RAD51AP2: variants seen among roughly 807,000 people sequenced by gnomAD.
The protein encoded by RAD51AP2 is RAD51 associated protein 2.
Under a neutral mutation model 85.5 loss-of-function variants are expected in RAD51AP2, and 67 were observed. That is an observed-to-expected ratio of 0.78 (90% confidence interval 0.64 to 0.96). RAD51AP2 has a LOEUF of 0.96. RAD51AP2 is among the 40% of genes least tolerant of loss of function. The pLI is 0.00. For missense variants in RAD51AP2, 1,307 were observed against 1,332.4 expected (o/e 0.98, Z 0.30); for synonymous variants, 474 against 446.5 (o/e 1.06, Z -0.78).
Position 17,516,911 on chromosome 2 carries a change from A to G in RAD51AP2, c.1505T>C (p.Val502Ala), listed in dbSNP as rs763885940. 1 of 1,592,144 alleles carries G rather than the reference A, an allele frequency of 6.3e-7. No individual in the cohort carries two copies. The highest frequency in any genetic ancestry group is 1.4e-5 in the African/African-American group (1 of 73,894). ...RYNTTQKVFHVNNPFESFIIE... is the reference protein window; with the variant it reads ...RYNTTQKVFHANNPFESFIIE... ...AATGAAACTTTCAAAAGGGTTGTTC[A>G]CATGAAAGACTTTTTGTGTAGTATT... The change falls in exon 1 of 3, where the codon GTG becomes GCG. Residue 502 changes from valine to alanine, a missense_variant. Val to Ala is a moderately conservative substitution (Grantham distance 64, BLOSUM62 0). Transcript: ENST00000399080.
At chr2:17,529,104 C>T in the RAD51AP2 span, among the ~76,000 whole-genome samples, 228 of 152,088 alleles carry the variant, frequency 1.5e-3, no homozygotes, top group Non-Finnish European at 2.4e-3. Flanking sequence ...CTTAAACACA[C>T]AGTCACTTTT....
chr2:17,523,086 AG>A (rs1662891314), upstream of RAD51AP2, among the ~76,000 whole-genome samples: 1 of 151,876 alleles, frequency 6.6e-6, no homozygotes, highest in African/African-American at 2.4e-5. Context: ...AGTTTTTCTG[AG>A]ACACAGCTTC....
the RAD51AP2 span, among the ~76,000 whole-genome samples, chr2:17,535,275 A>C: frequency 4.7e-3 from 722 of 152,282 alleles, 8 homozygotes; most frequent in Non-Finnish European, 8.0e-3. Context: ...ATTATTACCT[A>C]TTTGGTATAC....
chr2:17,520,068 A>C (rs1364217223), upstream of RAD51AP2, among the ~76,000 whole-genome samples: 1 of 152,168 alleles, frequency 6.6e-6, no homozygotes. Context: ...ATTATTTAAC[A>C]ACTCTACATT....
At chr2:17,528,631 C>T in the RAD51AP2 span, among the ~76,000 whole-genome samples, 23 of 151,956 alleles carry the variant, frequency 1.5e-4, no homozygotes, top group Admixed American at 1.3e-4. Context: ...TCACTTGAGG[C>T]CAGGAGTTCA....
At chr2:17,526,558 A>G in the RAD51AP2 span, among the ~76,000 whole-genome samples, 2 of 152,166 alleles carry the variant, frequency 1.3e-5, no homozygotes, top group Non-Finnish European at 2.9e-5. Context: ...GCCTCAGACC[A>G]TAATTATCCA....
intron 1 of RAD51AP2, among the ~76,000 whole-genome samples, chr2:17,514,664 G>A (rs1466379076): frequency 6.6e-6 from 1 of 152,084 alleles, no homozygotes. Context: ...CAGCTACTCT[G>A]GAGGCTAAGG....
the RAD51AP2 span, among the ~76,000 whole-genome samples, chr2:17,525,826 T>C: frequency 6.6e-6 from 1 of 151,992 alleles, no homozygotes; most frequent in Non-Finnish European, 1.5e-5. Context: ...ACCATAGATA[T>C]AGAATACGGG....
At chr2:17,533,728 A>G in the RAD51AP2 span, among the ~76,000 whole-genome samples, 1 of 152,180 alleles carries the variant, frequency 6.6e-6, no homozygotes, top group African/African-American at 2.4e-5. Context: ...AACCTGGTCA[A>G]CCTGGCCAGA....
intron 2 of RAD51AP2, among the ~76,000 whole-genome samples, 193 bp from the exon 3 acceptor site, chr2:17,511,148 G>C (rs756331915): frequency 1.2e-4 from 18 of 152,014 alleles, no homozygotes; most frequent in Non-Finnish European, 1.8e-4. Context: ...AAAAACATAA[G>C]CACAAAAAGT....
At chr2:17,524,291 C>T in the RAD51AP2 span, among the ~76,000 whole-genome samples, 8 of 152,012 alleles carry the variant, frequency 5.3e-5, no homozygotes, top group Admixed American at 3.9e-4. Flanking sequence ...GCAAGCATTG[C>T]GTTAAGTATC....
intron 2 of RAD51AP2, among the ~76,000 whole-genome samples, chr2:17,512,402 C>A (rs1662518315): frequency 6.6e-6 from 1 of 152,100 alleles, no homozygotes; most frequent in Non-Finnish European, 1.5e-5. Context: ...ACTTTTGTAC[C>A]CTTTGAAAGT....
chr2:17,512,168 C>T lies in RAD51AP2; in HGVS notation c.3329-1213G>A, dbSNP rs150572372. Among the ~76,000 whole-genome samples, 888 of 152,080 alleles carry T rather than the reference C, an allele frequency of 5.8e-3. 9 individuals carry two copies. Among genetic ancestry groups the T allele is most frequent in the African/African-American group, 0.02 (818 of 41,490 alleles). On this transcript the variant is annotated intron_variant, in intron 2 of 2. Coordinates refer to ENST00000399080, the MANE Select transcript of RAD51AP2 (RefSeq NM_001099218.3). ...TTCATTGAAGACATTTAGTAGTCAA[C>T]GGAAACGTTAAGAGAAGAGGCATCA...
chr2:17,512,276 G>A (rs1157891722), intron 2 of RAD51AP2, among the ~76,000 whole-genome samples: 3 of 152,166 alleles, frequency 2.0e-5, no homozygotes, highest in Non-Finnish European at 4.4e-5. Flanking sequence ...GTATAAGCAG[G>A]CAACCACTCT....
the RAD51AP2 span, among the ~76,000 whole-genome samples, chr2:17,533,914 G>A: frequency 8.5e-5 from 13 of 152,248 alleles, no homozygotes; most frequent in East Asian, 2.3e-3. Context: ...TACTGATTTC[G>A]TTTTAATTTT....
rs767751134 is a variant in RAD51AP2, at chr2:17,515,226, C to T, written c.3190G>A (p.Glu1064Lys). 7 of 1,607,222 alleles carry T rather than the reference C, an allele frequency of 4.4e-6. No individual in the cohort carries two copies. In the South Asian group the frequency reaches 5.6e-5, roughly 13 times the overall value. Residue 1064 changes from glutamate (E) to lysine (K), a missense_variant, in exon 1 of 3, where the codon GAG becomes AAG. By Grantham distance (56) the Glu-to-Lys change is moderately conservative (BLOSUM62 1). Coordinates refer to ENST00000399080, the MANE Select transcript of RAD51AP2 (RefSeq NM_001099218.3). ...PNNGEQEVPNESCYPSRSEEE... is the reference protein window; with the variant it reads ...PNNGEQEVPNKSCYPSRSEEE... ...TCTGATCTACTTGGATAACAACTCT[C>T]ATTAGGAACTTCCTGTTCTCCATTA...
upstream of RAD51AP2, among the ~76,000 whole-genome samples, chr2:17,522,673 A>G (rs1031367318): frequency 3.3e-5 from 5 of 152,004 alleles, no homozygotes; most frequent in African/African-American, 1.2e-4. Context: ...TGCAATTGCA[A>G]ATAACACCTT....
the RAD51AP2 span, among the ~76,000 whole-genome samples, chr2:17,529,620 A>C: frequency 9.3e-4 from 141 of 152,352 alleles, 1 homozygote; most frequent in Non-Finnish European, 1.2e-3. Flanking sequence ...TGATATCATT[A>C]GATACTAAAA....
chr2:17,525,837 C>T, the RAD51AP2 span, among the ~76,000 whole-genome samples: 2 of 152,014 alleles, frequency 1.3e-5, no homozygotes, highest in African/African-American at 4.8e-5. Context: ...AGAATACGGG[C>T]TGCTTGGTTA....
Sources: allele counts gnomAD v4.1 joint callset (sites outside exome capture counted in the v4.1 genomes callset), GRCh38; gene constraint gnomAD v4.1.1; transcripts MANE v1.5; gene names NCBI Gene and HGNC (gene_info 2026-07-23, HGNC 2026-07-21).